The following C1QTNF3 variants were observed in gnomAD, a reference collection of about 807,000 sequenced individuals.
C1QTNF3 encodes the protein complement C1q tumor necrosis factor-related protein 3.
A neutral mutation model predicts 32.6 loss-of-function variants in C1QTNF3; 26 were observed. That is an observed-to-expected ratio of 0.80 (90% confidence interval 0.58 to 1.11). C1QTNF3 has a LOEUF of 1.11. C1QTNF3 is among the 50% of genes least tolerant of loss of function. The pLI, the probability that C1QTNF3 is intolerant of heterozygous loss-of-function variation, is 0.00. For synonymous variants in C1QTNF3, 155 were observed against 146.0 expected (o/e 1.06, Z -0.44); for missense variants, 362 against 398.2 (o/e 0.91, Z 0.77).
intron 2 of C1QTNF3, among the ~76,000 whole-genome samples, chr5:34,035,296 A>C (rs1425270260): frequency 1.3e-5 from 2 of 152,198 alleles, no homozygotes; most frequent in African/African-American, 2.4e-5. Flanking sequence ...AGAGATCCTG[A>C]GACTGGAGGA....
At chr5:34,157,911 A>G in the C1QTNF3 span, among the ~76,000 whole-genome samples, 4 of 152,178 alleles carry the variant, frequency 2.6e-5, no homozygotes, top group African/African-American at 9.7e-5. Flanking sequence ...CAGCAATACA[A>G]AAATAATACA....
chr5:34,103,489 T>C, the C1QTNF3 span, among the ~76,000 whole-genome samples: 3 of 150,452 alleles, frequency 2.0e-5, no homozygotes, highest in African/African-American at 7.4e-5. Context: ...GCTTATAATT[T>C]GCCTTTCAAC....
intron 2 of C1QTNF3, among the ~76,000 whole-genome samples, chr5:34,035,283 T>C (rs1374366926): frequency 1.3e-5 from 2 of 152,216 alleles, no homozygotes; most frequent in Non-Finnish European, 2.9e-5. Context: ...CGGCTGAACA[T>C]GGAGAGATCC....
At chr5:34,070,917 T>C in the C1QTNF3 span, among the ~76,000 whole-genome samples, 1 of 152,172 alleles carries the variant, frequency 6.6e-6, no homozygotes, top group African/African-American at 2.4e-5. Flanking sequence ...TGTTGTGCCC[T>C]TCAAATAACT....
chr5:34,203,797 C>T, the C1QTNF3 span, among the ~76,000 whole-genome samples: 2 of 150,478 alleles, frequency 1.3e-5, no homozygotes, highest in African/African-American at 4.9e-5. Flanking sequence ...AGTAAAGACA[C>T]ATACAGATTT....
At chr5:34,070,426 A>T in the C1QTNF3 span, among the ~76,000 whole-genome samples, 1 of 152,220 alleles carries the variant, frequency 6.6e-6, no homozygotes, top group South Asian at 2.1e-4. Context: ...CATAAAACTT[A>T]TAAAACTATG....
At chr5:34,107,839 T>G in the C1QTNF3 span, among the ~76,000 whole-genome samples, 1 of 152,096 alleles carries the variant, frequency 6.6e-6, no homozygotes, top group Non-Finnish European at 1.5e-5. Flanking sequence ...TTCTTGAATG[T>G]TCCATTTCCC....
chr5:34,053,699 C>A, the C1QTNF3 span, among the ~76,000 whole-genome samples: 1 of 152,166 alleles, frequency 6.6e-6, no homozygotes, highest in Non-Finnish European at 1.5e-5. Flanking sequence ...TAACCCATTT[C>A]CCCACCCTAT....
chr5:34,237,894 C>T, the C1QTNF3 span, among the ~76,000 whole-genome samples: 1 of 152,080 alleles, frequency 6.6e-6, no homozygotes, highest in Non-Finnish European at 1.5e-5. Context: ...TCTCTCCCAC[C>T]CCCACTATAG....
intron 5 of C1QTNF3, 66 bp downstream of exon 5, chr5:34,023,843 C>T (rs1754399437): frequency 1.5e-6 from 2 of 1,320,964 alleles, no homozygotes; most frequent in Non-Finnish European, 2.2e-6. Flanking sequence ...GCTTCCCTGT[C>T]ATTAGGCATT....
the C1QTNF3 span, among the ~76,000 whole-genome samples, chr5:34,113,547 A>T: frequency 6.6e-6 from 1 of 152,168 alleles, no homozygotes; most frequent in Non-Finnish European, 1.5e-5. Context: ...AACCAGTACC[A>T]AAAGCATTCT....
chr5:34,051,343 T>C, the C1QTNF3 span, among the ~76,000 whole-genome samples: 1 of 152,244 alleles, frequency 6.6e-6, no homozygotes, highest in Non-Finnish European at 1.5e-5. Flanking sequence ...ATTGTCTTTA[T>C]TGTGTTATTA....
the C1QTNF3 span, among the ~76,000 whole-genome samples, chr5:34,112,879 T>C: frequency 2.0e-5 from 3 of 152,066 alleles, no homozygotes; most frequent in Non-Finnish European, 2.9e-5. Flanking sequence ...GGCCCTTTTC[T>C]TTCAGTAATG....
the C1QTNF3 span, among the ~76,000 whole-genome samples, chr5:34,158,963 C>CAT: frequency 2.2e-3 from 336 of 151,734 alleles, 2 homozygotes; most frequent in African/African-American, 7.7e-3. Context: ...CACAAACAAT[C>CAT]ATATATATAT....
the C1QTNF3 span, among the ~76,000 whole-genome samples, chr5:34,082,636 A>C: frequency 6.6e-6 from 1 of 151,728 alleles, no homozygotes; most frequent in Non-Finnish European, 1.5e-5. Flanking sequence ...ACTTCTGTTC[A>C]AGTACTGTAG....
the C1QTNF3 span, among the ~76,000 whole-genome samples, chr5:34,177,555 C>T: frequency 0.013 from 1,903 of 143,084 alleles, 46 homozygotes; most frequent in African/African-American, 0.047. Context: ...GGCACAATCT[C>T]GGCTCACTGC....
chr5:34,203,021 G>C, the C1QTNF3 span, among the ~76,000 whole-genome samples: 2 of 152,116 alleles, frequency 1.3e-5, no homozygotes, highest in Non-Finnish European at 2.9e-5. Flanking sequence ...GTATTTTCCA[G>C]ACAAGCACAC....
chr5:34,062,114 G>C, the C1QTNF3 span, among the ~76,000 whole-genome samples: 2 of 152,164 alleles, frequency 1.3e-5, no homozygotes, highest in African/African-American at 2.4e-5. Flanking sequence ...CAGGTCTCTA[G>C]GGCAGGGCAA....
the C1QTNF3 span, chr5:34,165,833 A>C: frequency 5.4e-5 from 8 of 149,156 alleles, no homozygotes; most frequent in Non-Finnish European, 1.0e-4. Context: ...TCCAAACTCC[A>C]TGAGCTGATT....
Sources: gnomAD v4.1 joint callset for allele counts (sites outside exome capture counted in the v4.1 genomes callset) on GRCh38, gnomAD v4.1.1 for gene constraint, MANE v1.5 for transcripts, NCBI Gene and HGNC (gene_info 2026-07-23, HGNC 2026-07-21) for gene names.